Variants in AEBP2 observed in about 807,000 individuals in gnomAD.
AEBP2 encodes the protein zinc finger protein AEBP2.
AEBP2 carries 10 observed loss-of-function variants against 50.8 expected under a neutral mutation model. That is an observed-to-expected ratio of 0.20 (90% CI 0.12 to 0.33). The LOEUF (loss-of-function observed/expected upper bound fraction) is 0.33. Among genes scored for constraint, AEBP2 ranks in the 10% least tolerant of loss-of-function variants. The pLI, the probability that AEBP2 is intolerant of heterozygous loss-of-function variation, is 1.00. For missense variants in AEBP2, 570 were observed against 688.0 expected, an observed-to-expected ratio of 0.83 and a Z score of 1.92; for synonymous variants, 296 against 261.3, an observed-to-expected ratio of 1.13 and a Z score of -1.28.
intron 7 of AEBP2, 111 bp downstream of exon 7, chr12:19,514,895 A>G: frequency 1.3e-6 from 1 of 744,630 alleles, no homozygotes. Context: ...TACCAAGCAT[A>G]TCTCATTACT....
intron 1 of AEBP2, among the ~76,000 whole-genome samples, chr12:19,450,548 A>G (rs1211819592): frequency 7.0e-6 from 1 of 142,762 alleles, no homozygotes; most frequent in Non-Finnish European, 1.5e-5. Flanking sequence ...TGAAAATGTC[A>G]GCCTGGCACG....
At chr12:19,489,990 C>CTTTT (rs71067029) in intron 3 of AEBP2, among the ~76,000 whole-genome samples, 531 of 47,670 alleles carry the variant, frequency 0.011, 17 homozygotes, top group Non-Finnish European at 0.012. Context: ...TTAAAATAAA[C>CTTTT]TTTTTTTTTT....
Position 19,456,444 on chromosome 12 carries a change from C to T in AEBP2, c.672-6066C>T, listed in dbSNP as rs1372420708. On this transcript the variant is annotated intron_variant, in intron 1 of 7. Transcript: ENST00000266508. Reference sequence around the variant, plus strand: ...AACCATATCAACGTTGGCAGCATCACCAGAGTTCAAGAAGTTAGGGCCATC... The same window carrying T: ...AACCATATCAACGTTGGCAGCATCATCAGAGTTCAAGAAGTTAGGGCCATC... The T allele has an allele frequency of 4.2e-6, 6 of 1,427,208 alleles. No homozygotes were observed. In the Admixed American group the frequency reaches 8.7e-5, roughly 21 times the overall value. 88.4% of individuals were successfully genotyped at this position (1,427,208 alleles called of 1,614,324 possible).
intron 1 of AEBP2, among the ~76,000 whole-genome samples, chr12:19,424,458 G>A (rs1204062627): frequency 1.3e-5 from 2 of 151,734 alleles, no homozygotes; most frequent in Admixed American, 6.6e-5. Context: ...GTGCAGTGGC[G>A]CGATCTCGGC....
intron 1 of AEBP2, among the ~76,000 whole-genome samples, chr12:19,430,009 T>C (rs10770483): frequency 0.85 from 128,971 of 152,046 alleles, 55,007 homozygotes; most frequent in African/African-American, 0.93. Flanking sequence ...TTTTGGCTTT[T>C]GTTGCCATTG....
intron 1 of AEBP2, chr12:19,457,476 C>T (rs561932170): frequency 1.2e-4 from 176 of 1,508,432 alleles, no homozygotes; most frequent in Middle Eastern, 4.7e-4. Flanking sequence ...ATCCAAGACC[C>T]AGGCCTACTT....
intron 1 of AEBP2, among the ~76,000 whole-genome samples, chr12:19,410,968 A>G (rs1366186244): frequency 6.6e-6 from 1 of 152,132 alleles, no homozygotes; most frequent in Non-Finnish European, 1.5e-5. Context: ...TTTTACTTAA[A>G]CTAAACTTAA....
intron 1 of AEBP2, among the ~76,000 whole-genome samples, chr12:19,453,704 G>C (rs113466341): frequency 6.6e-6 from 1 of 150,480 alleles, no homozygotes; most frequent in Admixed American, 6.6e-5. Context: ...GATTATAGGC[G>C]TGAGCCACCG....
chr12:19,408,739 A>G (rs2095737675), intron 1 of AEBP2, among the ~76,000 whole-genome samples: 1 of 151,642 alleles, frequency 6.6e-6, no homozygotes, highest in East Asian at 2.0e-4. Context: ...GTCTCTACTA[A>G]AAAAATGCAA....
At chr12:19,505,498 A>C (rs1352063626) in intron 5 of AEBP2, among the ~76,000 whole-genome samples, 3 of 152,220 alleles carry the variant, frequency 2.0e-5, no homozygotes, top group Non-Finnish European at 4.4e-5. Flanking sequence ...AAAATTGTAA[A>C]AACTTGTAAT....
In AEBP2 at chr12:19,440,266, C is replaced by T; in HGVS notation, c.567C>T (p.Tyr189=). ...SVVSSGGDEG[Y]GTGGGGSSAT... ...TCTCCAGCGGCGGCGACGAGGGCTA[C>T]GGGACTGGGGGAGGCGGAAGCAGCG... Residue 189 remains tyrosine, a synonymous_variant, in exon 1 of 8, where the codon TAC becomes TAT. Transcript: ENST00000266508. 1 of 1,469,656 alleles carries T rather than the reference C, an allele frequency of 6.8e-7. No individual in the cohort carries two copies. The highest frequency in any genetic ancestry group is 8.9e-7 in the Non-Finnish European group (1 of 1,121,076). 91.0% of individuals were successfully genotyped at this position (1,469,656 alleles called of 1,614,324 possible). A position where few individuals can be genotyped will look rare whatever the true frequency, so the allele number is the denominator to read the frequency against.
intron 1 of AEBP2, among the ~76,000 whole-genome samples, chr12:19,410,393 T>A (rs1404684321): frequency 6.6e-6 from 1 of 152,172 alleles, no homozygotes; most frequent in Non-Finnish European, 1.5e-5. Context: ...GGTTTGTCTC[T>A]CCCATTAGTA....
At chr12:19,440,411 G>C in intron 1 of AEBP2, 41 bp downstream of exon 1, 1 of 1,456,270 alleles carries the variant, frequency 6.9e-7, no homozygotes, top group South Asian at 1.5e-5. Flanking sequence ...TCCTCCTCTT[G>C]AACTCCCGGG....
chr12:19,414,323 G>A (rs1488578439), intron 1 of AEBP2, among the ~76,000 whole-genome samples: 1 of 152,180 alleles, frequency 6.6e-6, no homozygotes, highest in Non-Finnish European at 1.5e-5. Context: ...TCAAGATGGA[G>A]TTGTTCTGGT....
intron 5 of AEBP2, among the ~76,000 whole-genome samples, chr12:19,505,223 A>C (rs79574988): frequency 0.021 from 3,272 of 152,298 alleles, 42 homozygotes; most frequent in East Asian, 0.043. Context: ...ATGATATGGT[A>C]GGTCTGTAAT....
upstream of AEBP2, among the ~76,000 whole-genome samples, chr12:19,435,953 C>A (rs909178775): frequency 1.3e-5 from 2 of 152,090 alleles, no homozygotes; most frequent in African/African-American, 2.4e-5. Context: ...CACAGCGACT[C>A]GCATCGTGAA....
intron 1 of AEBP2, among the ~76,000 whole-genome samples, chr12:19,444,145 G>T (rs563827023): frequency 5.3e-5 from 8 of 152,014 alleles, no homozygotes; most frequent in African/African-American, 1.7e-4. Context: ...AGAGGCTATG[G>T]TAACTTTAAA....
chr12:19,470,830 G>C (rs1054720356), intron 2 of AEBP2, among the ~76,000 whole-genome samples: 1 of 151,606 alleles, frequency 6.6e-6, no homozygotes, highest in African/African-American at 2.4e-5. Context: ...AGAGTAGGGC[G>C]GGGGGGTCAC....
chr12:19,485,631 T>G (rs1948796033), intron 3 of AEBP2, among the ~76,000 whole-genome samples: 1 of 149,828 alleles, frequency 6.7e-6, no homozygotes, highest in Middle Eastern at 3.4e-3. Flanking sequence ...ATCACTTGAG[T>G]CTGGGTGTTT....
Sources: gnomAD v4.1 joint callset for allele counts (sites outside exome capture counted in the v4.1 genomes callset) on GRCh38, gnomAD v4.1.1 for gene constraint, MANE v1.5 for transcripts, NCBI Gene and HGNC (gene_info 2026-07-23, HGNC 2026-07-21) for gene names.